ASCC3: variants seen among roughly 807,000 people sequenced by gnomAD.
ASCC3 encodes the protein ASC-1 complex subunit P200.
In ASCC3, 158 loss-of-function variants were observed where a neutral mutation model predicts 256.3. The observed-to-expected ratio is 0.62, with a 90% CI of 0.54 to 0.70. The LOEUF (loss-of-function observed/expected upper bound fraction) is 0.70, where lower values mean the gene tolerates loss of function less well. Ranked by LOEUF, ASCC3 falls within the 30% of genes least tolerant of loss-of-function variation. ASCC3 has a pLI of 0.00. For synonymous variants in ASCC3, 948 were observed against 883.4 expected (o/e 1.07, Z -1.30); for missense variants, 2,259 against 2,626.0 (o/e 0.86, Z 3.05).
chr6:100,545,258 AC>A (rs1775660034), intron 36 of ASCC3, among the ~76,000 whole-genome samples: 1 of 151,548 alleles, frequency 6.6e-6, no homozygotes, highest in African/African-American at 2.4e-5. Context: ...GTTCACCGCA[AC>A]CTCTACCTCC....
At chr6:100,857,497 A>G (rs553885554) in intron 3 of ASCC3, 2 of 152,094 alleles carry the variant, frequency 1.3e-5, no homozygotes, top group Non-Finnish European at 2.9e-5. Context: ...TAGAAGATGT[A>G]TTGTTTTGTG....
intron 33 of ASCC3, among the ~76,000 whole-genome samples, chr6:100,603,570 T>C (rs559217528): frequency 6.6e-6 from 1 of 152,226 alleles, no homozygotes; most frequent in African/African-American, 2.4e-5. Flanking sequence ...TAAATTATGA[T>C]GTTTGATATA....
At chr6:100,520,434 C>T (rs956980366) in intron 37 of ASCC3, among the ~76,000 whole-genome samples, 6 of 144,466 alleles carry the variant, frequency 4.2e-5, no homozygotes, top group African/African-American at 1.3e-4. Flanking sequence ...CCTTCTTCTT[C>T]TTTTTTTTTT....
At chr6:100,833,704 C>T (rs1486986784) in intron 4 of ASCC3, among the ~76,000 whole-genome samples, 1 of 152,054 alleles carries the variant, frequency 6.6e-6, no homozygotes, top group East Asian at 1.9e-4. Context: ...TGATTATTCC[C>T]TTAATGCTGG....
chr6:100,661,595 G>T (rs1776223193), intron 16 of ASCC3, among the ~76,000 whole-genome samples: 1 of 151,762 alleles, frequency 6.6e-6, no homozygotes, highest in South Asian at 2.1e-4. Context: ...TAAAAGTATG[G>T]TCTTTTAACA....
chr6:100,657,384 A>T (rs1775967473), intron 16 of ASCC3, among the ~76,000 whole-genome samples: 1 of 151,482 alleles, frequency 6.6e-6, no homozygotes. Flanking sequence ...TTTACAACTA[A>T]AACAGTTAAA....
chr6:100,798,932 GT>G, intron 7 of ASCC3, 94 bp from the exon 8 acceptor site: 1 of 1,130,218 alleles, frequency 8.8e-7, no homozygotes, highest in East Asian at 2.6e-5. Context: ...AACACTACTG[GT>G]TTTATAACAA....
intron 11 of ASCC3, among the ~76,000 whole-genome samples, chr6:100,724,931 C>T (rs1210627236): frequency 6.6e-6 from 1 of 151,976 alleles, no homozygotes; most frequent in Non-Finnish European, 1.5e-5. Flanking sequence ...TGAACGTCTA[C>T]TGATACTAGT....
intron 36 of ASCC3, among the ~76,000 whole-genome samples, chr6:100,573,734 T>C (rs2114729859): frequency 6.6e-6 from 1 of 152,210 alleles, no homozygotes; most frequent in Non-Finnish European, 1.5e-5. Context: ...AATTAAAAAA[T>C]GTTCAAAACC....
chr6:100,822,787 A>G (rs1328053705), intron 4 of ASCC3, among the ~76,000 whole-genome samples: 1 of 152,148 alleles, frequency 6.6e-6, no homozygotes, highest in Non-Finnish European at 1.5e-5. Flanking sequence ...AACTCCCAAA[A>G]AATTTGTTAG....
At chr6:100,833,682 T>C (rs1418052427) in intron 4 of ASCC3, among the ~76,000 whole-genome samples, 1 of 152,210 alleles carries the variant, frequency 6.6e-6, no homozygotes, top group Non-Finnish European at 1.5e-5. Flanking sequence ...GTAAAGCTAT[T>C]ATCGATGAAA....
chr6:100,851,584 TAAATC>T (rs1268778739), intron 3 of ASCC3, among the ~76,000 whole-genome samples: 1 of 152,188 alleles, frequency 6.6e-6, no homozygotes, highest in Non-Finnish European at 1.5e-5. Context: ...ACCATTAACT[TAAATC>T]TATAATTTCA....
chr6:100,662,661 G>C (rs1409509310), intron 14 of ASCC3, 125 bp from the exon 15 acceptor site: 2 of 836,014 alleles, frequency 2.4e-6, no homozygotes, highest in Admixed American at 4.3e-5. Flanking sequence ...GGTATTACTA[G>C]GTCTTAGTAT....
intron 8 of ASCC3, among the ~76,000 whole-genome samples, chr6:100,792,488 T>G (rs561215167): frequency 6.6e-6 from 1 of 152,032 alleles, no homozygotes; most frequent in East Asian, 1.9e-4. Flanking sequence ...CAACATCCTT[T>G]GTGTGGCATA....
intron 3 of ASCC3, chr6:100,856,306 G>T: frequency 1.4e-6 from 1 of 729,668 alleles, no homozygotes; most frequent in Non-Finnish European, 1.7e-6. Flanking sequence ...ATAGGCATGA[G>T]AATGAAAAAC....
intron 32 of ASCC3, among the ~76,000 whole-genome samples, chr6:100,606,245 G>A (rs1772881362): frequency 6.6e-6 from 1 of 151,956 alleles, no homozygotes; most frequent in African/African-American, 2.4e-5. Context: ...TATACATTGA[G>A]TGTATTTCCC....
chr6:100,825,575 T>C (rs577446154), intron 4 of ASCC3, among the ~76,000 whole-genome samples: 2 of 152,316 alleles, frequency 1.3e-5, no homozygotes, highest in African/African-American at 2.4e-5. Flanking sequence ...CTGATGATTA[T>C]GTGTCTTGAG....
chr6:100,626,283 C>A (rs1774230272), intron 29 of ASCC3, among the ~76,000 whole-genome samples: 1 of 152,004 alleles, frequency 6.6e-6, no homozygotes, highest in Non-Finnish European at 1.5e-5. Context: ...ATAAAAAGTT[C>A]AACCTCTTTG....
chr6:100,677,536 G>A (rs1006791218), intron 14 of ASCC3, among the ~76,000 whole-genome samples: 1 of 152,000 alleles, frequency 6.6e-6, no homozygotes, highest in Admixed American at 6.6e-5. Context: ...TTCCTTATCT[G>A]TAAAATGGGA....
Sources: allele counts gnomAD v4.1 joint callset (sites outside exome capture counted in the v4.1 genomes callset), GRCh38; gene constraint gnomAD v4.1.1; transcripts MANE v1.5; gene names NCBI Gene and HGNC (gene_info 2026-07-23, HGNC 2026-07-21).